Variants in PRKG1 observed in about 807,000 individuals in gnomAD.
PRKG1 encodes the protein protein kinase cGMP-dependent 1.
Under a neutral mutation model 88.1 loss-of-function variants are expected in PRKG1, and 35 were observed. That is an observed-to-expected ratio of 0.40 (90% CI 0.30 to 0.53). The LOEUF is 0.53. PRKG1 is among the 20% of genes least tolerant of loss of function. The probability of loss-of-function intolerance (pLI) is 0.59; values close to 1 mark genes in which losing one functional copy is unlikely to be tolerated. For synonymous variants in PRKG1, 303 were observed against 292.5 expected (o/e 1.04, Z -0.37); for missense variants, 540 against 839.8 (o/e 0.64, Z 4.41).
intron 1 of PRKG1, among the ~76,000 whole-genome samples, chr10:51,059,997 T>C (rs1012277622): frequency 6.6e-5 from 10 of 152,290 alleles, no homozygotes; most frequent in South Asian, 2.1e-4. Flanking sequence ...GGCTGTTATT[T>C]AGTGCATATA....
chr10:51,698,021 C>T (rs1250195673), intron 3 of PRKG1: 1 of 1,613,820 alleles, frequency 6.2e-7, no homozygotes, highest in African/African-American at 1.3e-5. Flanking sequence ...TATGCCTGTA[C>T]CCTGCATACC....
intron 3 of PRKG1, among the ~76,000 whole-genome samples, chr10:51,561,871 T>A (rs1032211206): frequency 6.7e-6 from 1 of 148,576 alleles, no homozygotes; most frequent in Non-Finnish European, 1.5e-5. Flanking sequence ...CAAATTAGGT[T>A]TTTTTTCAAA....
intron 9 of PRKG1, among the ~76,000 whole-genome samples, chr10:52,222,118 C>T (rs1840259416): frequency 6.6e-6 from 1 of 152,124 alleles, no homozygotes; most frequent in Non-Finnish European, 1.5e-5. Flanking sequence ...CCGGTAAACA[C>T]TCCTTGATGT....
intron 3 of PRKG1, among the ~76,000 whole-genome samples, chr10:51,550,133 A>G (rs769792954): frequency 8.5e-5 from 13 of 152,204 alleles, no homozygotes; most frequent in East Asian, 1.9e-4. Flanking sequence ...TCTACTAGGA[A>G]CTACAGGAAC....
chr10:51,970,146 T>C (rs1417331160), intron 5 of PRKG1, among the ~76,000 whole-genome samples: 1 of 151,916 alleles, frequency 6.6e-6, no homozygotes, highest in Non-Finnish European at 1.5e-5. Context: ...GTGTCTTCCC[T>C]AAAAGTAAGA....
chr10:51,522,653 G>A (rs1305946508), intron 3 of PRKG1, among the ~76,000 whole-genome samples: 3 of 152,054 alleles, frequency 2.0e-5, no homozygotes, highest in Admixed American at 6.6e-5. Context: ...ATAAAAATGT[G>A]TTCATTGTGA....
At chr10:51,055,529 C>G (rs553819781) in intron 1 of PRKG1, among the ~76,000 whole-genome samples, 10 of 151,402 alleles carry the variant, frequency 6.6e-5, no homozygotes, top group African/African-American at 1.2e-4. Context: ...GTCAGGAGAT[C>G]GAGACCATCC....
intron 13 of PRKG1, among the ~76,000 whole-genome samples, chr10:52,281,510 A>G (rs1457709877): frequency 6.6e-6 from 1 of 152,186 alleles, no homozygotes; most frequent in African/African-American, 2.4e-5. Context: ...TGGTTTTTAG[A>G]GAAATCAAAT....
intron 2 of PRKG1, among the ~76,000 whole-genome samples, chr10:51,397,189 A>T (rs146616723): frequency 7.2e-6 from 1 of 139,764 alleles, no homozygotes; most frequent in African/African-American, 2.7e-5. Flanking sequence ...TTCACTTCCT[A>T]CATTGTAGTC....
At chr10:51,910,657 A>G (rs566006557) in intron 5 of PRKG1, 5 of 152,168 alleles carry the variant, frequency 3.3e-5, no homozygotes, top group Admixed American at 3.3e-4. Flanking sequence ...TTTTAGCCTC[A>G]TTCGTTTACC....
chr10:51,141,363 G>A (rs1390870082), intron 1 of PRKG1, among the ~76,000 whole-genome samples: 1 of 152,082 alleles, frequency 6.6e-6, no homozygotes, highest in East Asian at 1.9e-4. Flanking sequence ...TGATTGTTGT[G>A]ACCTTATTTT....
chr10:52,086,271 TC>T (rs1355328375), intron 7 of PRKG1, among the ~76,000 whole-genome samples: 3 of 152,258 alleles, frequency 2.0e-5, no homozygotes, highest in Non-Finnish European at 4.4e-5. Context: ...TTCTTGTATT[TC>T]TTTTTGTAAA....
chr10:51,239,166 T>C (rs1839083989), intron 2 of PRKG1, among the ~76,000 whole-genome samples: 1 of 152,210 alleles, frequency 6.6e-6, no homozygotes, highest in African/African-American at 2.4e-5. Flanking sequence ...TAGCTAAATA[T>C]CAGTTCACAC....
chr10:51,553,888 TATAATATATGTATGTATTAGATAC>T (rs1383638038), intron 3 of PRKG1, among the ~76,000 whole-genome samples: 3 of 125,252 alleles, frequency 2.4e-5, no homozygotes, highest in African/African-American at 9.3e-5. Flanking sequence ...GATACGTGTA[TATAATATATGTATGTATTAGATAC>T]GTGTATATAA....
intron 2 of PRKG1, among the ~76,000 whole-genome samples, chr10:51,277,585 T>C (rs979562805): frequency 2.0e-5 from 3 of 152,244 alleles, no homozygotes; most frequent in Non-Finnish European, 4.4e-5. Context: ...TGATTCTTCC[T>C]ATCCATGAGC....
At chr10:51,219,484 TG>T (rs1838465892) in intron 2 of PRKG1, among the ~76,000 whole-genome samples, 1 of 151,076 alleles carries the variant, frequency 6.6e-6, no homozygotes, top group African/African-American at 2.4e-5. Flanking sequence ...CTGTGGCGGG[TG>T]GATCACAAGG....
At chr10:52,081,516 G>T (rs1172833982) in intron 7 of PRKG1, 1 of 448,730 alleles carries the variant, frequency 2.2e-6, no homozygotes, top group East Asian at 7.0e-5. Context: ...TTCAATTAAG[G>T]TAGGAATTCT....
At chr10:51,352,909 CAAACA>C (rs1277446315) in intron 2 of PRKG1, among the ~76,000 whole-genome samples, 1 of 151,682 alleles carries the variant, frequency 6.6e-6, no homozygotes, top group Admixed American at 6.6e-5. Flanking sequence ...GCAAAACAAA[CAAACA>C]AAACAAACAA....
At chr10:51,193,232 G>A (rs1048987774) in intron 2 of PRKG1, among the ~76,000 whole-genome samples, 3 of 151,974 alleles carry the variant, frequency 2.0e-5, no homozygotes, top group African/African-American at 7.2e-5. Context: ...CTTGAATATA[G>A]CTCGAGCATA....
Sources: gnomAD v4.1 joint callset for allele counts (sites outside exome capture counted in the v4.1 genomes callset) on GRCh38, gnomAD v4.1.1 for gene constraint, MANE v1.5 for transcripts, NCBI Gene and HGNC (gene_info 2026-07-23, HGNC 2026-07-21) for gene names.